The following FRMD4A variants were observed in gnomAD, a reference collection of about 807,000 sequenced individuals.
FRMD4A encodes the protein FERM domain containing 4A, also known as FERM domain-containing protein 4A.
FRMD4A carries 29 observed loss-of-function variants against 129.1 expected under a neutral mutation model. The ratio of observed to expected loss-of-function variants is 0.22; its 90% CI spans 0.17 to 0.31. The LOEUF is 0.31. FRMD4A is among the 10% of genes least tolerant of loss of function. The probability of loss-of-function intolerance (pLI) is 1.00; values close to 1 mark genes in which losing one functional copy is unlikely to be tolerated. For synonymous variants in FRMD4A, 634 were observed against 571.6 expected, an observed-to-expected ratio of 1.11 and a Z score of -1.56; for missense variants, 1,272 against 1,375.8, an observed-to-expected ratio of 0.92 and a Z score of 1.19.
chr10:13,941,812 A>G lies in FRMD4A; in HGVS notation c.46-82900T>C, dbSNP rs565452822. Among the ~76,000 whole-genome samples the G allele has an allele frequency of 1.7e-3, 260 of 152,338 alleles. 3 individuals are homozygous for G. The highest frequency in any genetic ancestry group is 6.0e-3 in the African/African-American group (248 of 41,580). On this transcript the variant is annotated intron_variant, in intron 2 of 24. Coordinates refer to ENST00000357447, the MANE Select transcript of FRMD4A (RefSeq NM_018027.5). ...CTTTACATGGATCTCTGAATTTTGC[A>G]CAAAAACAGAAAGTCTTAGAGAGAA... is the stretch of plus-strand genomic sequence containing the variant.
intron 2 of FRMD4A, among the ~76,000 whole-genome samples, chr10:14,058,863 C>A (rs542060247): frequency 3.6e-4 from 55 of 152,214 alleles, no homozygotes; most frequent in East Asian, 7.7e-4. Flanking sequence ...CACTCAGAGG[C>A]CACATGTGGA....
At chr10:14,264,333 G>C (rs1844904882) in intron 2 of FRMD4A, among the ~76,000 whole-genome samples, 1 of 152,174 alleles carries the variant, frequency 6.6e-6, no homozygotes, top group Admixed American at 6.5e-5. Flanking sequence ...GAAGAGGGTA[G>C]AAAATAGATG....
At chr10:13,832,019 C>G (rs1488703064) in intron 3 of FRMD4A, among the ~76,000 whole-genome samples, 4 of 152,102 alleles carry the variant, frequency 2.6e-5, no homozygotes. Flanking sequence ...AGGGAAAAAT[C>G]AAACAGAACA....
At chr10:14,247,142 T>C (rs987991753) in intron 2 of FRMD4A, among the ~76,000 whole-genome samples, 6 of 152,126 alleles carry the variant, frequency 3.9e-5, no homozygotes, top group Non-Finnish European at 8.8e-5. Context: ...CAGCTCAAAC[T>C]TGCCGATCCC....
intron 2 of FRMD4A, among the ~76,000 whole-genome samples, chr10:14,000,646 C>CAAAAAAAAAGAAAA (rs2095638801): frequency 2.3e-5 from 1 of 43,478 alleles, no homozygotes; most frequent in African/African-American, 8.3e-5. Context: ...GACGCCACCT[C>CAAAAAAAAAGAAAA]AAAAAAAAAA....
At position 13,951,548 on chromosome 10, in the gene FRMD4A, G is replaced by C. The variant is rs139408664; in HGVS notation, c.46-92636C>G. On this transcript the variant is annotated intron_variant, in intron 2 of 24. Transcript: ENST00000357447. Reference sequence around the variant, plus strand: ...GGGATCCAACCAGCCACATTTCGGGGAGTTGTGCTGATCGACAGGACAAAT... The same window carrying C: ...GGGATCCAACCAGCCACATTTCGGGCAGTTGTGCTGATCGACAGGACAAAT... Among the ~76,000 whole-genome samples the C allele has an allele frequency of 5.9e-5, 9 of 152,236 alleles. No homozygotes were observed. The East Asian group carries it at 1.7e-3, about 29-fold the overall frequency.
At chr10:14,309,937 C>T (rs557200694) in intron 2 of FRMD4A, among the ~76,000 whole-genome samples, 7 of 152,114 alleles carry the variant, frequency 4.6e-5, no homozygotes, top group African/African-American at 1.4e-4. Flanking sequence ...TCCCCTGCAC[C>T]CTCCCCGCAT....
At chr10:13,682,062 T>C (rs1318457855) in intron 15 of FRMD4A, among the ~76,000 whole-genome samples, 1 of 116,336 alleles carries the variant, frequency 8.6e-6, no homozygotes, top group African/African-American at 2.7e-5. Context: ...TCTACAAAAA[T>C]TAAAAAAAAA....
rs527756536 is a variant in FRMD4A, at chr10:14,048,186, T to C, written c.46-189274A>G. Among the ~76,000 whole-genome samples, 7 of 152,288 alleles carry C rather than the reference T, an allele frequency of 4.6e-5. No homozygotes were observed. The South Asian group carries it at 1.0e-3, about 23-fold the overall frequency. On this transcript the variant is annotated intron_variant, in intron 2 of 24. Coordinates refer to ENST00000357447, the MANE Select transcript of FRMD4A (RefSeq NM_018027.5). ...AAGATATCACTAGGACTGATTCCAC[T>C]GCCCTGAAGATCCCAGCCAGTGACA...
At chr10:13,892,142 C>G (rs1381511191) in intron 2 of FRMD4A, among the ~76,000 whole-genome samples, 1 of 151,906 alleles carries the variant, frequency 6.6e-6, no homozygotes, top group Non-Finnish European at 1.5e-5. Context: ...AGGCTGCGCG[C>G]GTCCAAAGCG....
intron 16 of FRMD4A, among the ~76,000 whole-genome samples, chr10:13,673,567 CAT>C (rs1309411032): frequency 6.6e-6 from 1 of 151,394 alleles, no homozygotes. Context: ...ACAATGCACA[CAT>C]GTGCATGCGT....
chr10:14,114,586 T>C (rs971106661), intron 2 of FRMD4A, among the ~76,000 whole-genome samples: 13 of 152,096 alleles, frequency 8.5e-5, no homozygotes, highest in South Asian at 2.1e-4. Flanking sequence ...CACTGCAAAT[T>C]TGACAATGAG....
Position 14,026,255 on chromosome 10 carries a change from T to C in FRMD4A, c.46-167343A>G, listed in dbSNP as rs1042459778. On this transcript the variant is annotated intron_variant, in intron 2 of 24. Coordinates refer to ENST00000357447, the MANE Select transcript of FRMD4A (RefSeq NM_018027.5). ...ACGGTTAAAACTCTCCATTTTAGTA[T>C]CTCTCTGTGAATTTTCTTTTCCCAG... 6.6e-5 allele frequency among the ~76,000 whole-genome samples: 10 copies of C among 152,216 alleles called. No homozygotes were observed. In the East Asian group the frequency reaches 1.9e-3, roughly 29 times the overall value.
At chr10:13,652,093 C>T in intron 23 of FRMD4A, 119 bp from the exon 24 acceptor site, 1 of 721,852 alleles carries the variant, frequency 1.4e-6, no homozygotes, top group East Asian at 2.5e-5. Flanking sequence ...GCTGATTAGA[C>T]ACCTGAGTTA....
intron 13 of FRMD4A, among the ~76,000 whole-genome samples, chr10:13,703,777 C>T (rs991563203): frequency 6.6e-6 from 1 of 152,130 alleles, no homozygotes; most frequent in African/African-American, 2.4e-5. Context: ...AACACTGAGG[C>T]GGGTGGATCA....
chr10:13,730,316 T>C (rs1044695111), intron 12 of FRMD4A, among the ~76,000 whole-genome samples: 5 of 152,204 alleles, frequency 3.3e-5, no homozygotes, highest in African/African-American at 7.2e-5. Context: ...TAATAAACAA[T>C]GCCTCAACAG....
intron 2 of FRMD4A, among the ~76,000 whole-genome samples, chr10:14,093,069 G>T (rs1836748343): frequency 6.6e-6 from 1 of 152,168 alleles, no homozygotes; most frequent in African/African-American, 2.4e-5. Context: ...GCCAGGGTAG[G>T]GGGCACGGAC....
intron 3 of FRMD4A, among the ~76,000 whole-genome samples, chr10:13,845,916 G>T (rs4750430): frequency 2.0e-5 from 3 of 152,170 alleles, no homozygotes; most frequent in Middle Eastern, 3.4e-3. Flanking sequence ...TGCTCTCAGC[G>T]TGCTGGAACC....
Position 13,694,012 on chromosome 10 carries a change from T to C in FRMD4A, c.1003A>G (p.Ser335Gly). ...TCGGTCAGGTCGATGGCGATCTCAC[T>C]CAGGCTGCGTGCTGCATGGATTTTG... ...KSKIHAARSL[S>G]EIAIDLTETG... The change falls in exon 15 of 25, where the codon AGT becomes GGT. Residue 335 changes from serine to glycine, a missense_variant. Around this residue, in one of 2 missense-constraint regions of FRMD4A, gnomAD observed 300 missense variants for 483.6 expected, o/e 0.62. Transcript: ENST00000357447. The C allele has an allele frequency of 6.6e-7, 1 of 1,526,634 alleles. No individual in the cohort carries two copies. The highest frequency in any genetic ancestry group is 1.4e-5 in the African/African-American group (1 of 71,868). The allele number at this position is 1,526,634 out of a possible 1,614,324, so 94.6% of individuals were successfully genotyped here.
Sources: allele counts gnomAD v4.1 joint callset (sites outside exome capture counted in the v4.1 genomes callset), GRCh38; gene constraint gnomAD v4.1.1; regional missense constraint gnomAD v4.1.1; transcripts MANE v1.5; gene names NCBI Gene and HGNC (gene_info 2026-07-23, HGNC 2026-07-21).